Variants in PTH2R observed in about 807,000 individuals in gnomAD.
PTH2R encodes PTH2 receptor.
Under a neutral mutation model 60.3 loss-of-function variants are expected in PTH2R, and 59 were observed. The ratio of observed to expected loss-of-function variants is 0.98; its 90% confidence interval spans 0.79 to 1.22. The LOEUF is 1.22. Ranked by LOEUF, PTH2R falls within the 50% of genes most tolerant of loss-of-function variation. PTH2R has a pLI of 0.00. For missense variants in PTH2R, 749 were observed against 682.6 expected (o/e 1.10, Z -1.08); for synonymous variants, 256 against 243.8 (o/e 1.05, Z -0.47).
At chr2:208,463,313 T>C (rs2105890239) in intron 9 of PTH2R, among the ~76,000 whole-genome samples, 1 of 152,186 alleles carries the variant, frequency 6.6e-6, no homozygotes. Context: ...TGCCATACTG[T>C]TCCCCCTGCT....
chr2:208,424,188 T>C (rs933131160), intron 1 of PTH2R, among the ~76,000 whole-genome samples: 5 of 152,246 alleles, frequency 3.3e-5, no homozygotes, highest in East Asian at 1.9e-4. Flanking sequence ...ATGCAGGTTG[T>C]GAAGAAAAGG....
Position 208,443,475 on chromosome 2 carries a change from C to T in PTH2R, c.637C>T (p.Leu213=), listed in dbSNP as rs1381330748. The T allele has an allele frequency of 1.2e-6, 2 of 1,613,490 alleles. No homozygotes were observed. The highest frequency in any genetic ancestry group is 4.5e-5 in the East Asian group (2 of 44,848). The change falls in exon 6 of 13, where the codon CTA becomes TTA. Residue 213 remains leucine (L), a synonymous_variant. Coordinates refer to ENST00000272847, the MANE Select transcript of PTH2R (RefSeq NM_005048.4). ...CATAGGAGTAAAGGAGCTGGAGTCCCTAATAATGCAGGATGACCCACAAAA... is the reference window on the plus strand; with the variant it reads ...CATAGGAGTAAAGGAGCTGGAGTCCTTAATAATGCAGGATGACCCACAAAA... The part of the protein sequence containing the change: ...AHIGVKELES[L]IMQDDPQNSI...
chr2:208,472,096 A>G (rs1455995981), intron 9 of PTH2R, among the ~76,000 whole-genome samples: 2 of 152,150 alleles, frequency 1.3e-5, no homozygotes, highest in Non-Finnish European at 2.9e-5. Context: ...CTAGGAAGTA[A>G]CTAACTTGAT....
intron 11 of PTH2R, among the ~76,000 whole-genome samples, chr2:208,490,270 A>G (rs951965722): frequency 6.6e-6 from 1 of 152,122 alleles, no homozygotes; most frequent in Non-Finnish European, 1.5e-5. Context: ...TATTCTTACC[A>G]TACAATACTT....
At chr2:208,406,652 G>GGGT (rs1701414045), upstream of PTH2R, among the ~76,000 whole-genome samples, 1 of 152,274 alleles carries the variant, frequency 6.6e-6, no homozygotes, top group South Asian at 2.1e-4. Flanking sequence ...GAGATCCTTT[G>GGGT]CCCTCCGCCC....
At chr2:208,409,804 A>G (rs971902048) in intron 1 of PTH2R, among the ~76,000 whole-genome samples, 2 of 152,182 alleles carry the variant, frequency 1.3e-5, no homozygotes, top group East Asian at 1.9e-4. Context: ...TTCTATAGTC[A>G]GATTATCACA....
intron 1 of PTH2R, among the ~76,000 whole-genome samples, chr2:208,410,114 T>C (rs1376043624): frequency 6.6e-6 from 1 of 152,148 alleles, no homozygotes; most frequent in Admixed American, 6.6e-5. Flanking sequence ...CTGTTGACCT[T>C]CCAGCATGAA....
At chr2:208,467,250 G>T (rs183016399) in intron 9 of PTH2R, among the ~76,000 whole-genome samples, 1 of 152,206 alleles carries the variant, frequency 6.6e-6, no homozygotes, top group Admixed American at 6.5e-5. Flanking sequence ...CAAACAAATG[G>T]TGGGAGCAAG....
Position 208,440,501 on chromosome 2 carries a change from C to T in PTH2R, c.412-1863C>T, listed in dbSNP as rs549570154. 6.6e-5 allele frequency among the ~76,000 whole-genome samples: 10 copies of T among 152,128 alleles called. 1 individual carries two copies. Among genetic ancestry groups the T allele is most frequent in the Non-Finnish European group, 1.0e-4 (7 of 68,002 alleles). ...TGCTTCCAGTCAGATTGTAGGCAGT[C>T]GCAACAATAAGTTGGCTTAGATGCA... On this transcript the variant is annotated intron_variant, in intron 4 of 12. Coordinates refer to ENST00000272847, the MANE Select transcript of PTH2R (RefSeq NM_005048.4).
chr2:208,437,621 C>T lies in PTH2R; in HGVS notation c.263C>T (p.Pro88Leu), dbSNP rs1344509567. Reference sequence around the variant, plus strand: ...AAAATATCGGCTGTTCCATGCCCTCCTTATATTTATGACTTCAACCATAAA... The same window carrying T: ...AAAATATCGGCTGTTCCATGCCCTCTTTATATTTATGACTTCAACCATAAA... Reference protein sequence around the residue: ...VGKISAVPCPPYIYDFNHKGV... With the variant: ...VGKISAVPCPLYIYDFNHKGV... The change falls in exon 3 of 13, where the codon CCT becomes CTT. Residue 88 changes from proline (P) to leucine (L), a missense_variant. Physicochemically the swap from Pro to Leu is moderately conservative, Grantham distance 98. Coordinates refer to ENST00000272847, the MANE Select transcript of PTH2R (RefSeq NM_005048.4). The T allele has an allele frequency of 4.3e-6, 7 of 1,613,330 alleles. No homozygotes were observed. The highest frequency in any genetic ancestry group is 2.7e-5 in the African/African-American group (2 of 74,882).
chr2:208,419,531 G>T (rs1262558508), intron 1 of PTH2R, among the ~76,000 whole-genome samples: 2 of 152,196 alleles, frequency 1.3e-5, no homozygotes, highest in African/African-American at 2.4e-5. Context: ...AGTTTAATTA[G>T]ATCCCATTTG....
In PTH2R at chr2:208,406,998, G is replaced by A. The variant is rs764549034; in HGVS notation, c.-46G>A. On this transcript the variant is annotated 5_prime_UTR_variant, in exon 1 of 13. Coordinates refer to ENST00000272847, the MANE Select transcript of PTH2R (RefSeq NM_005048.4). ...AGTTGGCAACTTGGAAGCTTCTCCC[G>A]GGCTCTGGAGGAGGGTCCCTGCTTC... The A allele has an allele frequency of 2.2e-6, 3 of 1,353,966 alleles. No individual in the cohort carries two copies. Among genetic ancestry groups the A allele is most frequent in the East Asian group, 2.8e-5 (1 of 35,966 alleles). 83.9% of individuals were successfully genotyped at this position (1,353,966 alleles called of 1,614,324 possible).
Position 208,444,590 on chromosome 2 carries a change from C to T in PTH2R, c.700-144C>T, listed in dbSNP as rs183408903. ...GATGCATTAAAATAACTGTTTTGGC[C>T]TCTCAACAGTTTTGACTTTACTGTG... On this transcript the variant is annotated intron_variant, in intron 6 of 12. Transcript: ENST00000272847. 2.9e-5 allele frequency: 16 copies of T among 558,840 alleles called. No homozygotes were observed. In the Admixed American group the frequency reaches 4.3e-4, roughly 15 times the overall value. 34.6% of individuals were successfully genotyped at this position (558,840 alleles called of 1,614,324 possible).
chr2:208,471,663 C>T (rs1702883705), intron 9 of PTH2R, among the ~76,000 whole-genome samples: 1 of 152,232 alleles, frequency 6.6e-6, no homozygotes, highest in Admixed American at 6.5e-5. Flanking sequence ...TCTGCCAGGG[C>T]AGTGCAGAAG....
chr2:208,373,923 C>T (rs1395723534), intron 1 of PTH2R, among the ~76,000 whole-genome samples: 1 of 151,962 alleles, frequency 6.6e-6, no homozygotes, highest in Non-Finnish European at 1.5e-5. Context: ...ATGAAACTGG[C>T]ACTAAAAGCT....
rs58633364 is a variant in PTH2R, at chr2:208,459,078, A to G, written c.915-817A>G. ...TAATTTACACTCCCACCAACAGCAT[A>G]TAAGGGTTCCCTTTTCTCTCTAACC... On this transcript the variant is annotated intron_variant, in intron 8 of 12. Coordinates refer to ENST00000272847, the MANE Select transcript of PTH2R (RefSeq NM_005048.4). Among the ~76,000 whole-genome samples the G allele has an allele frequency of 3.3e-3, 496 of 152,238 alleles. 3 individuals carry two copies. Among genetic ancestry groups the G allele is most frequent in the African/African-American group, 0.012 (479 of 41,554 alleles).
At chr2:208,469,840 G>A (rs1272501986) in intron 9 of PTH2R, 4 of 152,200 alleles carry the variant, frequency 2.6e-5, no homozygotes, top group Admixed American at 2.6e-4. Context: ...AGAACGTGAT[G>A]CTTTGTTTTG....
intron 2 of PTH2R, among the ~76,000 whole-genome samples, chr2:208,435,346 A>T (rs1473405338): frequency 6.6e-6 from 1 of 152,168 alleles, no homozygotes; most frequent in Non-Finnish European, 1.5e-5. Context: ...GTGCCTGTGT[A>T]TGCTGTGTCA....
intron 1 of PTH2R, among the ~76,000 whole-genome samples, chr2:208,409,108 G>A (rs1701487619): frequency 1.3e-5 from 2 of 152,068 alleles, no homozygotes; most frequent in South Asian, 4.1e-4. Context: ...GCTTTACACG[G>A]ATTTCCATTT....
Sources: gnomAD v4.1 joint callset for allele counts (sites outside exome capture counted in the v4.1 genomes callset) on GRCh38, gnomAD v4.1.1 for gene constraint, MANE v1.5 for transcripts, NCBI Gene and HGNC (gene_info 2026-07-23, HGNC 2026-07-21) for gene names.